CLEC16A: variants seen among roughly 807,000 people sequenced by gnomAD.
CLEC16A encodes protein CLEC16A.
CLEC16A carries 51 observed loss-of-function variants against 109.5 expected under a neutral mutation model. The observed-to-expected ratio is 0.47, with a 90% CI of 0.37 to 0.59. CLEC16A has a LOEUF of 0.59. Among genes scored for constraint, CLEC16A ranks in the 20% least tolerant of loss-of-function variants. The pLI is 0.00. For synonymous variants in CLEC16A, 673 were observed against 564.2 expected (o/e 1.19, Z -2.73); for missense variants, 1,339 against 1,394.0 (o/e 0.96, Z 0.63).
intron 19 of CLEC16A, among the ~76,000 whole-genome samples, chr16:11,103,872 C>A (rs183742644): frequency 3.5e-4 from 53 of 152,292 alleles, no homozygotes; most frequent in Non-Finnish European, 4.0e-4. Context: ...ATCTATGAAG[C>A]CTTTTCTTCC....
rs558479922 is a variant in CLEC16A, at chr16:11,022,796, G to A, written c.1437-2025G>A. ...CGCTTGTGGTCCCAGCTACTCAGGA[G>A]GCTGAGGCAGGAGAATGGCGTGAAC... On this transcript the variant is annotated intron_variant, in intron 12 of 23. Transcript: ENST00000409790. Among the ~76,000 whole-genome samples the A allele has an allele frequency of 2.0e-4, 30 of 151,798 alleles. No homozygotes were observed. In the South Asian group the frequency reaches 5.8e-3, roughly 29 times the overall value.
intron 22 of CLEC16A, among the ~76,000 whole-genome samples, chr16:11,133,968 A>G (rs561759749): frequency 1.3e-5 from 2 of 152,124 alleles, no homozygotes; most frequent in Non-Finnish European, 2.9e-5. Context: ...ATAAAGCAAA[A>G]TTTATTGAGC....
chr16:11,155,085 C>T (rs1420002926), intron 22 of CLEC16A, among the ~76,000 whole-genome samples: 1 of 152,120 alleles, frequency 6.6e-6, no homozygotes, highest in Non-Finnish European at 1.5e-5. Flanking sequence ...GGGATCATGC[C>T]ACTGCACTCC....
chr16:11,103,793 A>G (rs531983684), intron 19 of CLEC16A, among the ~76,000 whole-genome samples: 4 of 152,182 alleles, frequency 2.6e-5, no homozygotes, highest in Non-Finnish European at 5.9e-5. Context: ...TTTGCCAAGC[A>G]GAGTCCAGCA....
At chr16:11,057,569 T>G (rs770480144) in intron 18 of CLEC16A, among the ~76,000 whole-genome samples, 9 of 152,250 alleles carry the variant, frequency 5.9e-5, no homozygotes, top group Admixed American at 2.0e-4. Context: ...GCAAAGAAAC[T>G]GGAGCAATCT....
intron 10 of CLEC16A, among the ~76,000 whole-genome samples, chr16:10,990,777 C>G (rs550386108): frequency 4.6e-5 from 7 of 152,316 alleles, no homozygotes; most frequent in African/African-American, 1.7e-4. Context: ...TGCGTTGGGC[C>G]ATTGGTGACT....
At chr16:11,166,302 G>A in intron 22 of CLEC16A, 86 bp from the exon 23 acceptor site, 3 of 1,432,926 alleles carry the variant, frequency 2.1e-6, no homozygotes, top group Non-Finnish European at 2.8e-6. Flanking sequence ...AGGAACTGAG[G>A]TTGGGTTGTT....
chr16:11,085,500 G>A (rs1358676224), intron 19 of CLEC16A, among the ~76,000 whole-genome samples: 1 of 152,258 alleles, frequency 6.6e-6, no homozygotes, highest in Non-Finnish European at 1.5e-5. Flanking sequence ...TTCTTCAGCT[G>A]TAAAATGGAG....
chr16:11,076,125 C>A (rs1423525630), intron 19 of CLEC16A, among the ~76,000 whole-genome samples: 2 of 152,170 alleles, frequency 1.3e-5, no homozygotes, highest in African/African-American at 2.4e-5. Context: ...TCTGCCCTTT[C>A]CACACCAACA....
At chr16:11,140,987 A>T (rs1327048515) in intron 22 of CLEC16A, among the ~76,000 whole-genome samples, 1 of 152,192 alleles carries the variant, frequency 6.6e-6, no homozygotes, top group Non-Finnish European at 1.5e-5. Context: ...TGAGTGCTTC[A>T]CGTTATCGTA....
rs1183262007 is a variant in CLEC16A at position 11,174,174 on chromosome 16, C to T, written c.2807-4161C>T. Reference sequence around the variant, plus strand: ...TCTAGTCAGGAGTGGCAGGAAAGGACGCCGACGAGTGTTCAGCCTGTCGGA... The same window carrying T: ...TCTAGTCAGGAGTGGCAGGAAAGGATGCCGACGAGTGTTCAGCCTGTCGGA... On this transcript the variant is annotated intron_variant, in intron 23 of 23. Coordinates refer to ENST00000409790, the MANE Select transcript of CLEC16A (RefSeq NM_015226.3). This position sits in a 1 kb window ranked among gnomAD's most constrained non-coding sequence, Gnocchi z 4.7. 1.1e-5 allele frequency: 5 copies of T among 469,816 alleles called. No individual in the cohort carries two copies. The highest frequency in any genetic ancestry group is 6.0e-5 in the African/African-American group (3 of 50,070). The allele number at this position is 469,816 out of a possible 1,614,324, so 29.1% of individuals were successfully genotyped here.
intron 22 of CLEC16A, among the ~76,000 whole-genome samples, chr16:11,132,732 G>A (rs576772419): frequency 6.6e-6 from 1 of 152,298 alleles, no homozygotes; most frequent in East Asian, 1.9e-4. Flanking sequence ...AAGGCACTTG[G>A]CCAGGGGGTG....
chr16:11,071,110 C>T (rs1389160377), intron 19 of CLEC16A: 4 of 152,182 alleles, frequency 2.6e-5, no homozygotes, highest in African/African-American at 9.7e-5. Flanking sequence ...TCGTTTCCAG[C>T]AAAAGTATTA....
In CLEC16A at chr16:10,954,763, T is replaced by A. The variant is rs1185457120; in HGVS notation, c.81-3019T>A. ...TCAGGAAATACCAGACTTTCTCTAC[T>A]TCCTGCTCTGGTTTCGCTGAACCTT... On this transcript the variant is annotated intron_variant, in intron 1 of 23. Transcript: ENST00000409790. This position sits in a 1 kb window ranked among gnomAD's most constrained non-coding sequence, Gnocchi z 4.2. Among the ~76,000 whole-genome samples, 1 of 152,204 alleles carries A rather than the reference T, an allele frequency of 6.6e-6. No homozygotes were observed. Among genetic ancestry groups the A allele is most frequent in the Non-Finnish European group, 1.5e-5 (1 of 68,040 alleles).
intron 19 of CLEC16A, among the ~76,000 whole-genome samples, chr16:11,075,808 C>T (rs1230165289): frequency 1.3e-5 from 2 of 151,998 alleles, no homozygotes; most frequent in Non-Finnish European, 2.9e-5. Flanking sequence ...TGAGACGCTG[C>T]CTATCAGTGT....
In CLEC16A at chr16:11,054,765, T is replaced by C. The variant is rs112763802; in HGVS notation, c.1995+3124T>C. Among the ~76,000 whole-genome samples the C allele has an allele frequency of 5.5e-3, 843 of 152,318 alleles. 14 individuals carry two copies. The highest frequency in any genetic ancestry group is 0.019 in the African/African-American group (797 of 41,572). ...CTAGAATCATCCAGAAGCTTAGCTCTTCAAGCCCACTTCAGAAATCAGAAC... is the reference window on the plus strand; with the variant it reads ...CTAGAATCATCCAGAAGCTTAGCTCCTCAAGCCCACTTCAGAAATCAGAAC... On this transcript the variant is annotated intron_variant, in intron 18 of 23. Coordinates refer to ENST00000409790, the MANE Select transcript of CLEC16A (RefSeq NM_015226.3).
intron 5 of CLEC16A, among the ~76,000 whole-genome samples, chr16:10,972,095 T>C (rs1480982739): frequency 1.3e-5 from 2 of 152,218 alleles, no homozygotes; most frequent in Non-Finnish European, 2.9e-5. Context: ...TATCCAGCCA[T>C]CAGACATGTT....
chr16:11,014,138 A>G (rs1015446412), intron 11 of CLEC16A, among the ~76,000 whole-genome samples: 2 of 152,230 alleles, frequency 1.3e-5, no homozygotes, highest in Admixed American at 1.3e-4. Flanking sequence ...TGTACTGAAG[A>G]AGTCTCCTTC....
At chr16:11,125,546 T>C (rs185542567) in intron 21 of CLEC16A, among the ~76,000 whole-genome samples, 2 of 152,322 alleles carry the variant, frequency 1.3e-5, no homozygotes, top group Admixed American at 1.3e-4. Flanking sequence ...ATCCATATTT[T>C]CGCATGCTCC....
Sources: allele counts gnomAD v4.1 joint callset (sites outside exome capture counted in the v4.1 genomes callset), GRCh38; gene constraint gnomAD v4.1.1; non-coding constraint Gnocchi (gnomAD v3.1); transcripts MANE v1.5; gene names NCBI Gene and HGNC (gene_info 2026-07-23, HGNC 2026-07-21).